ABCA7: variants seen among roughly 807,000 people sequenced by gnomAD.
ABCA7 encodes the protein phospholipid-transporting ATPase ABCA7.
Under a neutral mutation model 227.6 loss-of-function variants are expected in ABCA7, and 261 were observed. The ratio of observed to expected loss-of-function variants is 1.15; its 90% CI spans 1.04 to 1.27. The LOEUF is 1.27. ABCA7 is among the 50% of genes most tolerant of loss of function. The pLI, the probability that ABCA7 is intolerant of heterozygous loss-of-function variation, is 0.00. For missense variants in ABCA7, 3,331 were observed against 2,924.5 expected (o/e 1.14, Z -3.21); for synonymous variants, 1,488 against 1,279.7 (o/e 1.16, Z -3.47).
At position 1,044,595 on chromosome 19, in the gene ABCA7, G is replaced by T. The variant is rs1454062216; in HGVS notation, c.1066G>T (p.Asp356Tyr). ...AMLQRLLQMQ[D>Y]EGRRQPRPGG... Reference sequence around the variant, plus strand: ...CCCCCAGCGGCTCCTGCAGATGCAGGATGAAGGAAGAAGGCAGCCCAGACC... The same window carrying T: ...CCCCCAGCGGCTCCTGCAGATGCAGTATGAAGGAAGAAGGCAGCCCAGACC... The change falls in exon 11 of 47, where the codon GAT (aspartate) becomes TAT (tyrosine). Residue 356 changes from aspartate to tyrosine, a missense_variant. By Grantham distance (160) the Asp-to-Tyr change is radical. Transcript: ENST00000263094. 6.2e-7 allele frequency: 1 copy of T among 1,612,540 alleles called. No homozygotes were observed. The highest frequency in any genetic ancestry group is 8.5e-7 in the Non-Finnish European group (1 of 1,179,672).
chr19:1,049,249 C>G lies in ABCA7; in HGVS notation c.2381-17C>G. The G allele has an allele frequency of 6.3e-7, 1 of 1,582,350 alleles. No homozygotes were observed. Among genetic ancestry groups the G allele is most frequent in the Non-Finnish European group, 8.6e-7 (1 of 1,159,638 alleles). Reference sequence around the variant, plus strand: ...ACCCCCATGACCTCCATGGCTGAGTCCACCCCATCTCTGCAGTGCTGGTAG... The same window carrying G: ...ACCCCCATGACCTCCATGGCTGAGTGCACCCCATCTCTGCAGTGCTGGTAG... On this transcript the variant is annotated splice_polypyrimidine_tract_variant and intron_variant, in intron 17 of 46. Transcript: ENST00000263094.
intron 42 of ABCA7, among the ~76,000 whole-genome samples, chr19:1,062,599 T>C (rs4147922): frequency 0.69 from 105,267 of 151,736 alleles, 37,007 homozygotes; most frequent in Middle Eastern, 0.79. Context: ...CTGCCTTCTG[T>C]GGCCCTGCCC....
chr19:1,040,827 C>T (rs2039956606), intron 1 of ABCA7, among the ~76,000 whole-genome samples: 1 of 152,130 alleles, frequency 6.6e-6, no homozygotes, highest in Admixed American at 6.6e-5. Context: ...TCGGTTTCCA[C>T]TTCTGTAGAG....
At chr19:1,047,873 T>A (rs77824507) in intron 16 of ABCA7, among the ~76,000 whole-genome samples, 5,434 of 152,270 alleles carry the variant, frequency 0.036, 333 homozygotes, top group African/African-American at 0.13. Context: ...CTGGACGCCC[T>A]GATTCCAGGT....
rs1568428651 is a variant in ABCA7 at position 1,063,814 on chromosome 19, CT to C, written c.5906del (p.Leu1969TrpfsTer10). The C allele has an allele frequency of 1.3e-6, 2 of 1,545,334 alleles. No homozygotes were observed. Reference protein sequence around the residue: ...PSARRFLWNSLLAVVREGRSV... With the variant: ...PSARRFLWNSXLAVVREGRSV... ...CGCGCGGCGCTTCCTTTGGAACAGC[CT>C]TTTGGCCGTGGTGCGGGAGGGCCGT... is the stretch of plus-strand genomic sequence containing the variant. On this transcript the variant is annotated frameshift_variant, in exon 44 of 47. Transcript: ENST00000263094. LOFTEE classifies it high-confidence loss of function.
rs149897784 is a variant in ABCA7, at chr19:1,045,106, C to G, written c.1320C>G (p.Phe440Leu). The G allele has an allele frequency of 6.2e-7, 1 of 1,613,022 alleles. No individual in the cohort carries two copies. The highest frequency in any genetic ancestry group is 8.5e-7 in the Non-Finnish European group (1 of 1,179,998). The change falls in exon 12 of 47, where the codon TTC becomes TTG. Residue 440 changes from phenylalanine to leucine, a missense_variant. Transcript: ENST00000263094. ...AEHRFWAGVV[F>L]LGPEDSSDPT... The stretch of plus-strand genomic sequence containing the variant: ...ATCGATTCTGGGCCGGCGTCGTCTT[C>G]TTGGGACCTGAGGACTCTTCAGACC...
chr19:1,042,502 G>C, intron 6 of ABCA7, 105 bp downstream of exon 6: 1 of 1,389,790 alleles, frequency 7.2e-7, no homozygotes, highest in Non-Finnish European at 1.0e-6. Context: ...CAGGCATCCA[G>C]GCTGTCCCTG....
In ABCA7 at chr19:1,056,546, C is replaced by T. The variant is rs1376613996; in HGVS notation, c.4586+47C>T. On this transcript the variant is annotated intron_variant, in intron 33 of 46. Coordinates refer to ENST00000263094, the MANE Select transcript of ABCA7 (RefSeq NM_019112.4). The surrounding 1 kb of genome is among the most constrained non-coding windows in gnomAD (Gnocchi z 4.3). ...GTCCTACCCTGCACGTCCTACCCTG[C>T]CTCCATTTCTCTGTCGTTTGGGGTG... The T allele has an allele frequency of 6.4e-7, 1 of 1,559,830 alleles. No individual in the cohort carries two copies. The highest frequency in any genetic ancestry group is 1.1e-5 in the South Asian group (1 of 87,624).
intron 11 of ABCA7, 65 bp downstream of exon 11, chr19:1,044,809 CA>C (rs2040445370): frequency 6.5e-7 from 1 of 1,529,566 alleles, no homozygotes. Flanking sequence ...CTAGTGTTCC[CA>C]CCCTGGTGTT....
At position 1,049,430 on chromosome 19, in the gene ABCA7, A is replaced by C; in HGVS notation, c.2545A>C (p.Thr849Pro). 1 of 1,597,198 alleles carries C rather than the reference A, an allele frequency of 6.3e-7. No homozygotes were observed. The highest frequency in any genetic ancestry group is 1.7e-5 in the Admixed American group (1 of 58,850). The change falls in exon 18 of 47, where the codon ACC becomes CCC. Residue 849 changes from threonine to proline, a missense_variant. Coordinates refer to ENST00000263094, the MANE Select transcript of ABCA7 (RefSeq NM_019112.4). ...GGGCCACAACGGGGCCGGCAAGACC[A>C]CCACCCTGTGAGCCCCCAACCACTC... is the stretch of plus-strand genomic sequence containing the variant. ...FLGHNGAGKT[T>P]TLSILSGLFP... is the part of the protein sequence containing the mutation.
In ABCA7 at chr19:1,044,728, T is replaced by C; in HGVS notation, c.1199T>C (p.Leu400Pro). 7 of 1,608,938 alleles carry C rather than the reference T, an allele frequency of 4.4e-6. No homozygotes were observed. Among genetic ancestry groups the C allele is most frequent in the Non-Finnish European group, 5.9e-6 (7 of 1,178,744 alleles). ...HADVGHLVGT[L>P]GRVTECLSLD... ...GATGTGGGGCACCTGGTGGGCACGC[T>C]GGGCCGAGTGACGGAGGTGAGGGCC... is the stretch of plus-strand genomic sequence containing the variant. Residue 400 changes from leucine (L) to proline (P), a missense_variant, in exon 11 of 47, where the codon CTG (leucine) becomes CCG (proline). Transcript: ENST00000263094.
chr19:1,046,200 C>T lies in ABCA7; in HGVS notation c.1446-30C>T, dbSNP rs992898371. The T allele has an allele frequency of 3.1e-6, 5 of 1,600,968 alleles. No individual in the cohort carries two copies. In the African/African-American group the frequency reaches 5.3e-5, roughly 17 times the overall value. ...GGCCCCGGGAGTTTCTAGCCCTTCCCTACAACCGGCCACCATGCCCCTCTC... is the reference window on the plus strand; with the variant it reads ...GGCCCCGGGAGTTTCTAGCCCTTCCTTACAACCGGCCACCATGCCCCTCTC... On this transcript the variant is annotated intron_variant, in intron 12 of 46. Transcript: ENST00000263094.
At position 1,047,653 on chromosome 19, in the gene ABCA7, A is replaced by C. The variant is rs755100121; in HGVS notation, c.2268A>C (p.Pro756=). 1 of 1,586,984 alleles carries C rather than the reference A, an allele frequency of 6.3e-7. No homozygotes were observed. Among genetic ancestry groups the C allele is most frequent in the Non-Finnish European group, 8.5e-7 (1 of 1,171,250 alleles). ...CCTGGTACCTGGAAGCTGTGTGCCC[A>C]GGTGGGCCGTAGGGGGCGGGGCTCC... The part of the protein sequence containing the change: ...LATWYLEAVC[P]GQYGIPEPWN... The change falls in exon 16 of 47, where the codon CCA becomes CCC. Residue 756 remains proline (P), a splice_region_variant and synonymous_variant. Coordinates refer to ENST00000263094, the MANE Select transcript of ABCA7 (RefSeq NM_019112.4).
rs2041680141 is a variant in ABCA7, at chr19:1,051,976, T to C, written c.2997T>C (p.Asp999=). The change falls in exon 22 of 47, where the codon GAT becomes GAC. Residue 999 remains aspartate, a synonymous_variant. Transcript: ENST00000263094. ...TGATCCTCTCCACCCACCACCTGGATGAGGCAGAGCTGCTGGGAGACCGTG... is the reference window on the plus strand; with the variant it reads ...TGATCCTCTCCACCCACCACCTGGACGAGGCAGAGCTGCTGGGAGACCGTG... ...RTLILSTHHL[D]EAELLGDRVA... The C allele has an allele frequency of 1.2e-6, 2 of 1,612,134 alleles. No homozygotes were observed. The highest frequency in any genetic ancestry group is 3.3e-5 in the Admixed American group (2 of 60,006).
At position 1,064,024 on chromosome 19, in the gene ABCA7, C is replaced by G. The variant is rs1032066223; in HGVS notation, c.5952-137C>G. 4 of 1,332,996 alleles carry G rather than the reference C, an allele frequency of 3.0e-6. No individual in the cohort carries two copies. The African/African-American group carries it at 5.9e-5, about 20-fold the overall frequency. 82.6% of individuals were successfully genotyped at this position (1,332,996 alleles called of 1,614,324 possible). A position where few individuals can be genotyped will look rare whatever the true frequency, so the allele number is the denominator to read the frequency against. On this transcript the variant is annotated intron_variant, in intron 44 of 46. Transcript: ENST00000263094. ...GACACACAGAGGTGGGACGCGGCGC[C>G]GGGATCAGAACGGTCTGGGGAAGAG... is the stretch of plus-strand genomic sequence containing the variant.
chr19:1,063,992 G>A (rs975095142), intron 44 of ABCA7, 129 bp downstream of exon 44: 173 of 1,357,248 alleles, frequency 1.3e-4, no homozygotes, highest in Admixed American at 1.2e-3. Flanking sequence ...AGGCCCCGGG[G>A]TGTAAGGACA....
At chr19:1,043,918 G>C (rs2040323899) in intron 10 of ABCA7, 77 bp downstream of exon 10, 4 of 1,301,382 alleles carry the variant, frequency 3.1e-6, no homozygotes, top group Non-Finnish European at 4.4e-6. Context: ...TGGGAAGGTG[G>C]GCTCCGTGCA....
At chr19:1,055,967 C>G in intron 31 of ABCA7, 28 bp downstream of exon 31, 1 of 1,576,400 alleles carries the variant, frequency 6.3e-7, no homozygotes, top group South Asian at 1.2e-5. Flanking sequence ...TTGGGGTCCC[C>G]TGCCCCAGTT....
chr19:1,048,236 G>A (rs1041784995), intron 16 of ABCA7, among the ~76,000 whole-genome samples: 1 of 146,562 alleles, frequency 6.8e-6, no homozygotes, highest in Non-Finnish European at 1.5e-5. Flanking sequence ...GGTGGCTCAC[G>A]CCTGTAATCC....
Sources: allele counts gnomAD v4.1 joint callset (sites outside exome capture counted in the v4.1 genomes callset), GRCh38; gene constraint gnomAD v4.1.1; non-coding constraint Gnocchi (gnomAD v3.1); transcripts MANE v1.5; gene names NCBI Gene and HGNC (gene_info 2026-07-23, HGNC 2026-07-21).